Variants in MBOAT1 observed in about 807,000 individuals in gnomAD.
The protein encoded by MBOAT1 is membrane-bound glycerophospholipid O-acyltransferase 1.
MBOAT1 carries 67 observed loss-of-function variants against 64.4 expected under a neutral mutation model. The ratio of observed to expected loss-of-function variants is 1.04; its 90% confidence interval spans 0.85 to 1.27. The LOEUF (loss-of-function observed/expected upper bound fraction) is 1.27. Among genes scored for constraint, MBOAT1 ranks in the 50% most tolerant of loss-of-function variants. MBOAT1 has a pLI of 0.00. For missense variants in MBOAT1, 563 were observed against 604.6 expected (o/e 0.93, Z 0.72); for synonymous variants, 229 against 218.9 (o/e 1.05, Z -0.41).
At chr6:20,116,549 T>C (rs1481090003) in intron 9 of MBOAT1, among the ~76,000 whole-genome samples, 2 of 152,072 alleles carry the variant, frequency 1.3e-5, no homozygotes, top group Admixed American at 6.5e-5. Context: ...GGAAGATAGA[T>C]AGATGTAAAA....
At chr6:20,124,796 C>G (rs540908899) in intron 7 of MBOAT1, among the ~76,000 whole-genome samples, 196 bp from the exon 8 acceptor site, 1 of 152,202 alleles carries the variant, frequency 6.6e-6, no homozygotes, top group Non-Finnish European at 1.5e-5. Flanking sequence ...AGATACAGAA[C>G]ATGCCTCTGA....
At chr6:20,149,178 G>A (rs1761418987) in intron 3 of MBOAT1, among the ~76,000 whole-genome samples, 1 of 151,266 alleles carries the variant, frequency 6.6e-6, no homozygotes, top group African/African-American at 2.4e-5. Context: ...TGATGGCAGA[G>A]CCCCCTGCTA....
intron 12 of MBOAT1, among the ~76,000 whole-genome samples, chr6:20,102,925 G>T (rs979176324): frequency 3.9e-5 from 6 of 152,162 alleles, no homozygotes; most frequent in Admixed American, 2.6e-4. Flanking sequence ...CATGTTTGTG[G>T]TAATGCTGGA....
At chr6:20,210,249 G>T (rs1763381440) in intron 1 of MBOAT1, among the ~76,000 whole-genome samples, 1 of 152,174 alleles carries the variant, frequency 6.6e-6, no homozygotes, top group South Asian at 2.1e-4. Context: ...CAGTCACAAA[G>T]GGAAGTTTGC....
intron 4 of MBOAT1, among the ~76,000 whole-genome samples, chr6:20,134,200 T>A (rs1208344956): frequency 6.6e-6 from 1 of 152,136 alleles, no homozygotes; most frequent in Non-Finnish European, 1.5e-5. Context: ...CAAACAAATC[T>A]CTTACATGCC....
At chr6:20,111,835 C>CATATATATATATACATATATATAT in intron 11 of MBOAT1, among the ~76,000 whole-genome samples, 2 of 86,788 alleles carry the variant, frequency 2.3e-5, no homozygotes, top group African/African-American at 8.2e-5. Context: ...CATATATATA[C>CATATATATATATACATATATATAT]ACATATATAT....
chr6:20,181,636 A>G (rs1176509902), intron 1 of MBOAT1, among the ~76,000 whole-genome samples: 1 of 152,238 alleles, frequency 6.6e-6, no homozygotes, highest in Admixed American at 6.5e-5. Flanking sequence ...AGAAAGAAGT[A>G]AAACAAGCAC....
At chr6:20,111,877 T>TACATATATATATACATATATAC (rs1204943478) in intron 11 of MBOAT1, among the ~76,000 whole-genome samples, 1 of 136,900 alleles carries the variant, frequency 7.3e-6, no homozygotes, top group Non-Finnish European at 1.5e-5. Context: ...TACATATATA[T>TACATATATATATACATATATAC]ATGTATATAT....
At chr6:20,207,436 A>C (rs969032013) in intron 1 of MBOAT1, among the ~76,000 whole-genome samples, 2 of 152,206 alleles carry the variant, frequency 1.3e-5, no homozygotes, top group African/African-American at 4.8e-5. Context: ...GGATCCCAGA[A>C]ACACCCATGG....
chr6:20,177,874 T>C (rs1010667957), intron 1 of MBOAT1, among the ~76,000 whole-genome samples: 1 of 152,052 alleles, frequency 6.6e-6, no homozygotes, highest in Non-Finnish European at 1.5e-5. Flanking sequence ...CTTTTGTCTC[T>C]TTCCCCAAAG....
rs187191268 is a variant in MBOAT1 at position 20,120,626 on chromosome 6, G to A, written c.908-2086C>T. 3.9e-3 allele frequency among the ~76,000 whole-genome samples: 596 copies of A among 151,844 alleles called. 2 individuals are homozygous for A. The highest frequency in any genetic ancestry group is 0.014 in the African/African-American group (559 of 41,370). On this transcript the variant is annotated intron_variant, in intron 8 of 12. Coordinates refer to ENST00000324607, the MANE Select transcript of MBOAT1 (RefSeq NM_001080480.3). Reference sequence around the variant, plus strand: ...GGAGGTTACAATTAGCCAAGATCGCGCCATTGCACACCAGCTGGGCAACAA... The same window carrying A: ...GGAGGTTACAATTAGCCAAGATCGCACCATTGCACACCAGCTGGGCAACAA...
intron 3 of MBOAT1, among the ~76,000 whole-genome samples, chr6:20,149,463 A>G (rs1473967787): frequency 1.3e-5 from 2 of 152,176 alleles, no homozygotes; most frequent in African/African-American, 2.4e-5. Context: ...ATAATTTACT[A>G]TGTAATTGCT....
At chr6:20,111,848 A>ATATATATACATATATATACG (rs1561746286) in intron 11 of MBOAT1, among the ~76,000 whole-genome samples, 3 of 87,596 alleles carry the variant, frequency 3.4e-5, no homozygotes, top group African/African-American at 1.4e-4. Context: ...ATATATATAC[A>ATATATATACATATATATACG]TATATATATA....
chr6:20,131,053 T>C, intron 5 of MBOAT1, 91 bp downstream of exon 5: 1 of 1,138,540 alleles, frequency 8.8e-7, no homozygotes, highest in East Asian at 2.4e-5. Context: ...CCAGCATTTG[T>C]CTAAACTTTG....
intron 4 of MBOAT1, among the ~76,000 whole-genome samples, chr6:20,133,921 C>T (rs1320218548): frequency 1.3e-5 from 2 of 152,168 alleles, no homozygotes; most frequent in Non-Finnish European, 2.9e-5. Flanking sequence ...CCATGCCTCC[C>T]TCAGGCTGCT....
At chr6:20,194,158 T>C (rs1440318790) in intron 1 of MBOAT1, among the ~76,000 whole-genome samples, 2 of 151,914 alleles carry the variant, frequency 1.3e-5, no homozygotes, top group Non-Finnish European at 2.9e-5. Context: ...ATAAACTGCA[T>C]TTTTAGAATA....
chr6:20,153,085 C>T (rs1761575521), intron 1 of MBOAT1, among the ~76,000 whole-genome samples: 2 of 152,184 alleles, frequency 1.3e-5, no homozygotes, highest in African/African-American at 2.4e-5. Flanking sequence ...CCGCCTGCCT[C>T]GGCCTCCCAA....
chr6:20,104,141 C>T (rs1258703389), intron 12 of MBOAT1, among the ~76,000 whole-genome samples: 1 of 152,168 alleles, frequency 6.6e-6, no homozygotes, highest in African/African-American at 2.4e-5. Context: ...GAGCAGTAGG[C>T]TATCCCATAT....
At position 20,135,159 on chromosome 6, in the gene MBOAT1, T is replaced by C. The variant is rs551432451; in HGVS notation, c.420-3960A>G. ...ACCATCTGACCAACCTGGAGTTGGATAGACTCCAGCATGGATGAAGTAGGG... is the reference window on the plus strand; with the variant it reads ...ACCATCTGACCAACCTGGAGTTGGACAGACTCCAGCATGGATGAAGTAGGG... On this transcript the variant is annotated intron_variant, in intron 4 of 12. Transcript: ENST00000324607. 7.5e-4 allele frequency among the ~76,000 whole-genome samples: 114 copies of C among 152,268 alleles called. 2 individuals are homozygous for C. Among genetic ancestry groups the C allele is most frequent in the African/African-American group, 2.6e-3 (108 of 41,552 alleles).
Sources: allele counts gnomAD v4.1 joint callset (sites outside exome capture counted in the v4.1 genomes callset), GRCh38; gene constraint gnomAD v4.1.1; transcripts MANE v1.5; gene names NCBI Gene and HGNC (gene_info 2026-07-23, HGNC 2026-07-21).